ADAMTS19: variants seen among roughly 807,000 people sequenced by gnomAD.
ADAMTS19 encodes the protein ADAM metallopeptidase with thrombospondin type 1 motif 19.
ADAMTS19 carries 93 observed loss-of-function variants against 153.3 expected under a neutral mutation model. The observed-to-expected ratio is 0.61, with a 90% CI of 0.51 to 0.72. The LOEUF (loss-of-function observed/expected upper bound fraction) is 0.72. ADAMTS19 is among the 30% of genes least tolerant of loss of function. The probability of loss-of-function intolerance (pLI) is 0.00; values close to 1 mark genes in which losing one functional copy is unlikely to be tolerated. For missense variants in ADAMTS19, 1,482 were observed against 1,552.1 expected (o/e 0.95, Z 0.76); for synonymous variants, 600 against 556.6 (o/e 1.08, Z -1.10).
chr5:129,583,714 C>T (rs1399104715), intron 7 of ADAMTS19, among the ~76,000 whole-genome samples: 1 of 151,638 alleles, frequency 6.6e-6, no homozygotes, highest in Non-Finnish European at 1.5e-5. Context: ...GCTATTGATA[C>T]TTGTGTATGC....
chr5:129,570,680 G>C (rs1029809518), intron 7 of ADAMTS19, among the ~76,000 whole-genome samples: 10 of 151,470 alleles, frequency 6.6e-5, no homozygotes, highest in Admixed American at 1.3e-4. Flanking sequence ...ATAAAAACAA[G>C]TATTAGCAAA....
At chr5:129,566,238 A>T (rs1753700064) in intron 7 of ADAMTS19, among the ~76,000 whole-genome samples, 1 of 152,182 alleles carries the variant, frequency 6.6e-6, no homozygotes, top group African/African-American at 2.4e-5. Context: ...ACTCTAAAGA[A>T]TGCTGAGATA....
intron 17 of ADAMTS19, among the ~76,000 whole-genome samples, chr5:129,681,779 C>G (rs1462250112): frequency 6.6e-6 from 1 of 152,102 alleles, no homozygotes; most frequent in Non-Finnish European, 1.5e-5. Context: ...ACCTCACAGT[C>G]CCATTGGATC....
chr5:129,612,088 G>A (rs907148572), intron 8 of ADAMTS19, among the ~76,000 whole-genome samples: 1 of 150,428 alleles, frequency 6.6e-6, no homozygotes, highest in Non-Finnish European at 1.5e-5. Context: ...TCATCATTTA[G>A]CATTAGGTAT....
chr5:129,610,113 ATT>A (rs1491212766), intron 8 of ADAMTS19, among the ~76,000 whole-genome samples: 5 of 138,486 alleles, frequency 3.6e-5, no homozygotes, highest in African/African-American at 1.3e-4. Flanking sequence ...ATATATATAT[ATT>A]ATTTAAAATT....
At chr5:129,660,333 A>T (rs570320411) in intron 15 of ADAMTS19, among the ~76,000 whole-genome samples, 1 of 152,338 alleles carries the variant, frequency 6.6e-6, no homozygotes, top group African/African-American at 2.4e-5. Context: ...CTTTCAACTA[A>T]GAAATTTAAT....
chr5:129,474,101 T>C (rs1373308494), intron 2 of ADAMTS19, among the ~76,000 whole-genome samples: 1 of 152,174 alleles, frequency 6.6e-6, no homozygotes, highest in Non-Finnish European at 1.5e-5. Flanking sequence ...ACCATTCATC[T>C]ACTCTGTGTC....
intron 7 of ADAMTS19, among the ~76,000 whole-genome samples, chr5:129,576,946 C>T (rs1278228742): frequency 6.6e-6 from 1 of 152,080 alleles, no homozygotes. Context: ...CCATAGGTTC[C>T]CTGTGTTAAA....
In ADAMTS19 at chr5:129,461,855, G is replaced by A; in HGVS notation, c.747+98G>A. On this transcript the variant is annotated intron_variant, in intron 2 of 22. Transcript: ENST00000274487. The surrounding 1 kb of genome is among the most constrained non-coding windows in gnomAD (Gnocchi z 4.6). ...TGCATGCACCTTCTCCCCTTTCAGT[G>A]TGCTCCTTTTGAGCTTGGCCCTAGA... The A allele has an allele frequency of 7.0e-7, 1 of 1,430,722 alleles. No individual in the cohort carries two copies. The highest frequency in any genetic ancestry group is 9.1e-7 in the Non-Finnish European group (1 of 1,099,344). The allele number at this position is 1,430,722 out of a possible 1,614,324, so 88.6% of individuals were successfully genotyped here. A position where few individuals can be genotyped will look rare whatever the true frequency, so the allele number is the denominator to read the frequency against.
At chr5:129,489,565 A>G (rs954163802) in intron 2 of ADAMTS19, among the ~76,000 whole-genome samples, 4 of 152,212 alleles carry the variant, frequency 2.6e-5, no homozygotes, top group Admixed American at 6.5e-5. Flanking sequence ...CCAATTAGGA[A>G]AAGTACATTT....
At chr5:129,599,126 C>T (rs1750522266) in intron 8 of ADAMTS19, among the ~76,000 whole-genome samples, 1 of 151,786 alleles carries the variant, frequency 6.6e-6, no homozygotes, top group Non-Finnish European at 1.5e-5. Flanking sequence ...ACATCATCAT[C>T]CTTTAGGGAA....
chr5:129,484,117 C>T (rs976772988), intron 2 of ADAMTS19, among the ~76,000 whole-genome samples: 2 of 151,948 alleles, frequency 1.3e-5, no homozygotes, highest in African/African-American at 4.8e-5. Flanking sequence ...TACATTTTTT[C>T]TTTTGTGCAT....
intron 21 of ADAMTS19, among the ~76,000 whole-genome samples, chr5:129,729,716 AG>A (rs1034730172): frequency 2.6e-5 from 4 of 152,102 alleles, no homozygotes; most frequent in African/African-American, 9.6e-5. Flanking sequence ...ATTTTATAAA[AG>A]GTGCTATTCA....
At chr5:129,603,374 A>T (rs1053257236) in intron 8 of ADAMTS19, among the ~76,000 whole-genome samples, 1 of 152,210 alleles carries the variant, frequency 6.6e-6, no homozygotes, top group Admixed American at 6.5e-5. Flanking sequence ...TTCACTGCAA[A>T]TAATAAAAGT....
chr5:129,639,564 A>G (rs925586699), intron 10 of ADAMTS19, among the ~76,000 whole-genome samples: 1 of 152,172 alleles, frequency 6.6e-6, no homozygotes, highest in African/African-American at 2.4e-5. Context: ...CAATGAGAGT[A>G]CCTGCCGTTT....
At chr5:129,484,954 CG>C (rs1750543046) in intron 2 of ADAMTS19, among the ~76,000 whole-genome samples, 1 of 151,972 alleles carries the variant, frequency 6.6e-6, no homozygotes, top group South Asian at 2.1e-4. Flanking sequence ...TCTCAGTAAT[CG>C]GTAGAACAAG....
chr5:129,695,116 C>A (rs1040343099), intron 19 of ADAMTS19, among the ~76,000 whole-genome samples: 3 of 152,078 alleles, frequency 2.0e-5, no homozygotes, highest in Admixed American at 2.0e-4. Context: ...CATTTCATAA[C>A]CTCTAGGTCA....
At chr5:129,471,138 G>A (rs1179630181) in intron 2 of ADAMTS19, among the ~76,000 whole-genome samples, 2 of 151,942 alleles carry the variant, frequency 1.3e-5, no homozygotes. Flanking sequence ...GTTGGTAGAG[G>A]AAGTCTCTAT....
chr5:129,734,132 A>G (rs1346898282), intron 21 of ADAMTS19, among the ~76,000 whole-genome samples: 1 of 151,904 alleles, frequency 6.6e-6, no homozygotes, highest in Non-Finnish European at 1.5e-5. Context: ...GAACTAAACA[A>G]TGGGCCCACG....
Sources: allele counts gnomAD v4.1 joint callset (sites outside exome capture counted in the v4.1 genomes callset), GRCh38; gene constraint gnomAD v4.1.1; non-coding constraint Gnocchi (gnomAD v3.1); transcripts MANE v1.5; gene names NCBI Gene and HGNC (gene_info 2026-07-23, HGNC 2026-07-21).